POLD3: variants seen among roughly 807,000 people sequenced by gnomAD.
POLD3 encodes the protein DNA polymerase delta 3, accessory subunit.
In POLD3, 19 loss-of-function variants were observed where a neutral mutation model predicts 58.2. That is an observed-to-expected ratio of 0.33 (90% CI 0.23 to 0.48). POLD3 has a LOEUF of 0.48. Among genes scored for constraint, POLD3 ranks in the 20% least tolerant of loss-of-function variants. POLD3 has a pLI of 0.99. For missense variants in POLD3, 504 were observed against 545.5 expected, an observed-to-expected ratio of 0.92 and a Z score of 0.76; for synonymous variants, 172 against 193.5, an observed-to-expected ratio of 0.89 and a Z score of 0.92.
chr11:74,638,122 C>T (rs942274851), intron 11 of POLD3, among the ~76,000 whole-genome samples: 4 of 151,982 alleles, frequency 2.6e-5, no homozygotes, highest in African/African-American at 7.3e-5. Context: ...ATGTTACCCA[C>T]GAAAACCAGG....
In POLD3 at chr11:74,592,941, C is replaced by A. The variant is rs2031086860; in HGVS notation, c.60+223C>A. 4 of 1,402,544 alleles carry A rather than the reference C, an allele frequency of 2.9e-6. No homozygotes were observed. The South Asian group carries it at 6.1e-5, about 21-fold the overall frequency. The allele number at this position is 1,402,544 out of a possible 1,614,324, so 86.9% of individuals were successfully genotyped here. A position where few individuals can be genotyped will look rare whatever the true frequency, so the allele number is the denominator to read the frequency against. ...AGTCCGCGTCCCTTGGGTGGGCGTG[C>A]TGGGAACAGAGCCTGGGGCTGGAGC... On this transcript the variant is annotated intron_variant, in intron 1 of 11. Transcript: ENST00000263681.
rs920182977 is a variant in POLD3, at chr11:74,641,372, C to T, written c.*606C>T. On this transcript the variant is annotated 3_prime_UTR_variant, in exon 12 of 12. Transcript: ENST00000263681. ...ACGGACACCTGGCTACAGACCAGGACGTGGCTTGTGTTCTGTTCCTTTCAC... is the reference window on the plus strand; with the variant it reads ...ACGGACACCTGGCTACAGACCAGGATGTGGCTTGTGTTCTGTTCCTTTCAC... 1.1e-5 allele frequency: 11 copies of T among 985,422 alleles called. No homozygotes were observed. In the South Asian group the frequency reaches 1.4e-4, roughly 13 times the overall value. The allele number at this position is 985,422 out of a possible 1,614,324, so 61.0% of individuals were successfully genotyped here. A position where few individuals can be genotyped will look rare whatever the true frequency, so the allele number is the denominator to read the frequency against.
intron 3 of POLD3, 100 bp downstream of exon 3, chr11:74,604,894 A>T: frequency 4.4e-6 from 3 of 677,212 alleles, no homozygotes; most frequent in Non-Finnish European, 7.7e-6. Context: ...ATTCTGTGTT[A>T]TAGTAGTTTT....
intron 3 of POLD3, among the ~76,000 whole-genome samples, chr11:74,606,718 C>T (rs2031689016): frequency 1.3e-5 from 2 of 152,158 alleles, no homozygotes; most frequent in African/African-American, 4.8e-5. Flanking sequence ...TCTTAGATGA[C>T]ACTGAAAGTG....
rs41563417 is a variant in POLD3, at chr11:74,634,703, T to A, written c.1119+8T>A. Reference sequence around the variant, plus strand: ...GAACCTCCTTCTGTCAAGGTAAAATTATACTGGGATTCTTGCATGTCCATG... The same window carrying A: ...GAACCTCCTTCTGTCAAGGTAAAATAATACTGGGATTCTTGCATGTCCATG... On this transcript the variant is annotated splice_region_variant and intron_variant, in intron 10 of 11. Transcript: ENST00000263681. The A allele has an allele frequency of 2.1e-5, 31 of 1,470,428 alleles. No homozygotes were observed. The highest frequency in any genetic ancestry group is 3.5e-4 in the Middle Eastern group (2 of 5,784). 91.1% of individuals were successfully genotyped at this position (1,470,428 alleles called of 1,614,324 possible). A position where few individuals can be genotyped will look rare whatever the true frequency, so the allele number is the denominator to read the frequency against.
Position 74,640,894 on chromosome 11 carries a change from C to T in POLD3, c.*128C>T, listed in dbSNP as rs2032896118. 2.3e-6 allele frequency: 3 copies of T among 1,328,484 alleles called. No homozygotes were observed. The highest frequency in any genetic ancestry group is 2.4e-5 in the South Asian group (1 of 42,520). 82.3% of individuals were successfully genotyped at this position (1,328,484 alleles called of 1,614,324 possible). On this transcript the variant is annotated 3_prime_UTR_variant, in exon 12 of 12. Coordinates refer to ENST00000263681, the MANE Select transcript of POLD3 (RefSeq NM_006591.3). The stretch of plus-strand genomic sequence containing the variant: ...CTGTATCAAAAGACTGTTCTTTCAT[C>T]CTGTGAGGTTTATACTATTTCTGGT...
intron 4 of POLD3, among the ~76,000 whole-genome samples, chr11:74,656,586 C>CAAA (rs34224084): frequency 6.8e-6 from 1 of 147,560 alleles, no homozygotes. Context: ...GACTCCGTCT[C>CAAA]AAAAAAAAAA....
At chr11:74,634,292 G>A (rs1681611230) in intron 9 of POLD3, among the ~76,000 whole-genome samples, 1 of 152,174 alleles carries the variant, frequency 6.6e-6, no homozygotes, top group African/African-American at 2.4e-5. Flanking sequence ...TATGAAAGGC[G>A]ATAAGTGGAT....
At chr11:74,616,150 A>G (rs911792293) in intron 5 of POLD3, among the ~76,000 whole-genome samples, 1 of 152,226 alleles carries the variant, frequency 6.6e-6, no homozygotes, top group Non-Finnish European at 1.5e-5. Context: ...AAGTGACGCA[A>G]AAGTTCAAAA....
intron 4 of POLD3, among the ~76,000 whole-genome samples, chr11:74,653,307 A>G (rs890736357): frequency 1.3e-5 from 2 of 152,202 alleles, no homozygotes; most frequent in African/African-American, 4.8e-5. Flanking sequence ...TTGTATTTCA[A>G]ATACCTAAGA....
intron 4 of POLD3, among the ~76,000 whole-genome samples, chr11:74,649,778 C>G (rs1222176778): frequency 6.6e-6 from 1 of 152,166 alleles, no homozygotes; most frequent in Non-Finnish European, 1.5e-5. Flanking sequence ...GAGACCGAGG[C>G]AGGTAGATCA....
intron 2 of POLD3, chr11:74,604,447 A>G (rs2031606507): frequency 2.7e-6 from 1 of 372,128 alleles, no homozygotes; most frequent in Non-Finnish European, 4.9e-6. Flanking sequence ...GTCTATTATT[A>G]ATCTTATTTC....
At chr11:74,662,539 G>A (rs958454493) in intron 4 of POLD3, among the ~76,000 whole-genome samples, 1 of 152,022 alleles carries the variant, frequency 6.6e-6, no homozygotes, top group Non-Finnish European at 1.5e-5. Context: ...TGTCGTGCCT[G>A]AGCTGGTATC....
chr11:74,661,420 C>A (rs938629030), intron 4 of POLD3, among the ~76,000 whole-genome samples: 1 of 152,176 alleles, frequency 6.6e-6, no homozygotes, highest in Non-Finnish European at 1.5e-5. Context: ...TTAGGGGGAA[C>A]CCCAAGCCCA....
At chr11:74,660,834 T>G (rs1316068402) in intron 4 of POLD3, among the ~76,000 whole-genome samples, 1 of 152,108 alleles carries the variant, frequency 6.6e-6, no homozygotes, top group Non-Finnish European at 1.5e-5. Context: ...CAATGAAACC[T>G]TTTTCTTTAT....
At chr11:74,609,344 T>TTATATATATATA (rs2031806373) in intron 3 of POLD3, among the ~76,000 whole-genome samples, 1 of 65,004 alleles carries the variant, frequency 1.5e-5, no homozygotes, top group East Asian at 4.0e-4. Flanking sequence ...CCATTGTTTT[T>TTATATATATATA]GATATATATA....
intron 2 of POLD3, among the ~76,000 whole-genome samples, chr11:74,594,769 C>T (rs1276160404): frequency 1.3e-5 from 2 of 152,126 alleles, no homozygotes; most frequent in South Asian, 2.1e-4. Context: ...GGAGACTTGG[C>T]GGAAGGCATC....
intron 5 of POLD3, 112 bp from the exon 6 acceptor site, chr11:74,618,425 A>G (rs1220236440): frequency 2.7e-6 from 2 of 744,684 alleles, no homozygotes; most frequent in Admixed American, 2.5e-5. Context: ...GGAAGAAGCA[A>G]GAGTTTGAAA....
intron 11 of POLD3, among the ~76,000 whole-genome samples, chr11:74,639,872 T>C (rs1418820666): frequency 1.3e-5 from 2 of 152,246 alleles, no homozygotes; most frequent in African/African-American, 4.8e-5. Context: ...GTCATTCCTT[T>C]AACACGTGTG....
Sources: allele counts gnomAD v4.1 joint callset (sites outside exome capture counted in the v4.1 genomes callset), GRCh38; gene constraint gnomAD v4.1.1; transcripts MANE v1.5; gene names NCBI Gene and HGNC (gene_info 2026-07-23, HGNC 2026-07-21).